UST: variants seen among roughly 807,000 people sequenced by gnomAD.
UST encodes the protein uronyl 2-sulfotransferase.
In UST, 21 loss-of-function variants were observed where a neutral mutation model predicts 45.6. The observed-to-expected ratio is 0.46, with a 90% CI of 0.33 to 0.66. The LOEUF (loss-of-function observed/expected upper bound fraction) is 0.66, where lower values mean the gene tolerates loss of function less well. Among genes scored for constraint, UST ranks in the 30% least tolerant of loss-of-function variants. The pLI is 0.02. For synonymous variants in UST, 215 were observed against 200.6 expected (o/e 1.07, Z -0.61); for missense variants, 463 against 512.4 (o/e 0.90, Z 0.93).
chr6:148,945,740 C>G (rs6941730), intron 3 of UST, among the ~76,000 whole-genome samples: 2 of 152,056 alleles, frequency 1.3e-5, no homozygotes, highest in African/African-American at 2.4e-5. Context: ...TTTCACCTAG[C>G]GTTTTTGCAG....
chr6:149,043,563 C>G (rs942827852), intron 7 of UST, among the ~76,000 whole-genome samples: 2 of 152,270 alleles, frequency 1.3e-5, no homozygotes, highest in African/African-American at 4.8e-5. Context: ...TTTCTGAGGG[C>G]TGGCCCTACC....
At chr6:148,904,319 T>C (rs1393088660) in intron 2 of UST, among the ~76,000 whole-genome samples, 3 of 152,142 alleles carry the variant, frequency 2.0e-5, no homozygotes, top group African/African-American at 7.2e-5. Context: ...CCTATAAAAG[T>C]TGATATATAT....
intron 5 of UST, among the ~76,000 whole-genome samples, chr6:149,012,367 T>A (rs1243930451): frequency 1.3e-5 from 2 of 152,192 alleles, no homozygotes; most frequent in Non-Finnish European, 1.5e-5. Flanking sequence ...GCAATAAAAG[T>A]TAACTTAGAC....
chr6:149,043,696 C>T (rs1215545001), intron 7 of UST, among the ~76,000 whole-genome samples: 1 of 152,274 alleles, frequency 6.6e-6, no homozygotes, highest in Non-Finnish European at 1.5e-5. Flanking sequence ...CTGAGGCCGG[C>T]CATCTTGTTC....
intron 1 of UST, among the ~76,000 whole-genome samples, chr6:148,784,695 A>G (rs558719316): frequency 6.6e-6 from 1 of 152,370 alleles, no homozygotes; most frequent in Admixed American, 6.5e-5. Context: ...CTGCGATATG[A>G]TAAAAGCTCA....
intron 2 of UST, among the ~76,000 whole-genome samples, chr6:148,897,166 A>C (rs1032340330): frequency 6.6e-6 from 1 of 151,862 alleles, no homozygotes; most frequent in African/African-American, 2.4e-5. Context: ...TTACTTTTAA[A>C]ATTTTTTTAA....
chr6:149,034,891 TCTCTC>T (rs1776219656), intron 7 of UST, among the ~76,000 whole-genome samples: 1 of 113,922 alleles, frequency 8.8e-6, no homozygotes, highest in Non-Finnish European at 1.8e-5. Context: ...TCTCTCTCTC[TCTCTC>T]CTTGGATTGT....
chr6:148,839,130 A>G (rs1777845096), intron 1 of UST, among the ~76,000 whole-genome samples: 1 of 152,218 alleles, frequency 6.6e-6, no homozygotes, highest in South Asian at 2.1e-4. Context: ...ATGGGAGGCC[A>G]TTGTTTTGGA....
At chr6:148,923,473 G>C (rs1239678363) in intron 2 of UST, among the ~76,000 whole-genome samples, 4 of 152,178 alleles carry the variant, frequency 2.6e-5, no homozygotes, top group African/African-American at 9.7e-5. Flanking sequence ...TAGTCAGCCA[G>C]GTGGCTATAA....
chr6:148,855,615 G>A (rs930541481), intron 1 of UST, among the ~76,000 whole-genome samples: 2 of 152,180 alleles, frequency 1.3e-5, no homozygotes, highest in Non-Finnish European at 2.9e-5. Flanking sequence ...AAGGAAGGTG[G>A]GGATGAGTTT....
At chr6:148,941,053 T>C (rs1780116218) in intron 2 of UST, among the ~76,000 whole-genome samples, 2 of 152,220 alleles carry the variant, frequency 1.3e-5, no homozygotes, top group Admixed American at 1.3e-4. Context: ...TGAAATTTCA[T>C]CAGTGCAGAG....
At chr6:148,992,802 C>G (rs1447775674) in intron 5 of UST, among the ~76,000 whole-genome samples, 1 of 152,124 alleles carries the variant, frequency 6.6e-6, no homozygotes. Flanking sequence ...TATGGATGGC[C>G]CCTGCTCAAG....
chr6:148,940,255 G>A (rs1235914868), intron 2 of UST, among the ~76,000 whole-genome samples: 1 of 152,064 alleles, frequency 6.6e-6, no homozygotes, highest in Non-Finnish European at 1.5e-5. Flanking sequence ...GGGAGGCCGA[G>A]GCCAGCAGAT....
intron 1 of UST, 27 bp downstream of exon 1, chr6:148,747,704 C>T (rs1280915174): frequency 6.4e-7 from 1 of 1,559,756 alleles, no homozygotes; most frequent in Non-Finnish European, 8.7e-7. Flanking sequence ...GGCGCTAGGG[C>T]GGCGCCGACA....
At chr6:148,937,732 G>A (rs1379597911) in intron 2 of UST, among the ~76,000 whole-genome samples, 2 of 152,170 alleles carry the variant, frequency 1.3e-5, no homozygotes, top group African/African-American at 4.8e-5. Context: ...TAATTCAGAT[G>A]TAACACATTC....
At chr6:148,799,644 C>T (rs995497467) in intron 1 of UST, among the ~76,000 whole-genome samples, 1 of 152,064 alleles carries the variant, frequency 6.6e-6, no homozygotes, top group East Asian at 1.9e-4. Flanking sequence ...TTTTCCAACC[C>T]CGTTCCCTCC....
intron 1 of UST, among the ~76,000 whole-genome samples, chr6:148,850,298 C>T (rs896856229): frequency 1.3e-5 from 2 of 152,138 alleles, no homozygotes; most frequent in African/African-American, 2.4e-5. Flanking sequence ...CCTGGACCAG[C>T]GTCTGCTCTT....
intron 7 of UST, among the ~76,000 whole-genome samples, chr6:149,025,684 T>TTATGTTTG (rs1010748253): frequency 9.2e-5 from 14 of 152,320 alleles, no homozygotes; most frequent in African/African-American, 3.4e-4. Flanking sequence ...TTAATCCTTA[T>TTATGTTTG]TATGTTTGTT....
At chr6:148,902,814 CT>C (rs1779285998) in intron 2 of UST, among the ~76,000 whole-genome samples, 1 of 152,060 alleles carries the variant, frequency 6.6e-6, no homozygotes, top group Non-Finnish European at 1.5e-5. Context: ...GCTCTACTGT[CT>C]AGAAGAGTTT....
Sources: allele counts gnomAD v4.1 joint callset (sites outside exome capture counted in the v4.1 genomes callset), GRCh38; gene constraint gnomAD v4.1.1; transcripts MANE v1.5; gene names NCBI Gene and HGNC (gene_info 2026-07-23, HGNC 2026-07-21).